TSPAN19: variants seen among roughly 807,000 people sequenced by gnomAD.
The protein encoded by TSPAN19 is tetraspanin-19.
Under a neutral mutation model 35.1 loss-of-function variants are expected in TSPAN19, and 44 were observed. That is an observed-to-expected ratio of 1.25 (90% CI 0.98 to 1.61). The LOEUF (loss-of-function observed/expected upper bound fraction) is 1.61, where lower values mean the gene tolerates loss of function less well. TSPAN19 is among the 40% of genes most tolerant of loss of function. TSPAN19 has a pLI of 0.00. For synonymous variants in TSPAN19, 79 were observed against 92.0 expected, an observed-to-expected ratio of 0.86 and a Z score of 0.81; for missense variants, 290 against 280.0, an observed-to-expected ratio of 1.04 and a Z score of -0.26.
chr12:85,030,670 C>T (rs1877643084), intron 1 of TSPAN19, among the ~76,000 whole-genome samples: 1 of 151,990 alleles, frequency 6.6e-6, no homozygotes, highest in Admixed American at 6.6e-5. Context: ...ATTACTTAAT[C>T]TATAATTTAG....
Position 85,035,421 on chromosome 12 carries a change from C to T in TSPAN19, c.-28+783G>A, listed in dbSNP as rs577096969. Among the ~76,000 whole-genome samples, 5 of 152,154 alleles carry T rather than the reference C, an allele frequency of 3.3e-5. No individual in the cohort carries two copies. The East Asian group carries it at 9.7e-4, about 29-fold the overall frequency. ...AGTGTAGTTTATTTTTTAAAATCAT[C>T]TTTCCTGAAAAGGAAACTAACATGT... On this transcript the variant is annotated intron_variant, in intron 1 of 8. Transcript: ENST00000532498.
chr12:85,015,699 T>G, intron 8 of TSPAN19, 189 bp downstream of exon 8: 1 of 464,342 alleles, frequency 2.2e-6, no homozygotes, highest in Non-Finnish European at 3.8e-6. Flanking sequence ...GGATGACCAC[T>G]TATTAATAGG....
In TSPAN19 at chr12:85,023,328, C is replaced by A; in HGVS notation, c.337G>T (p.Glu113Ter). ...LSAFIITKKE[E>*]VQQLWHDKID... The stretch of plus-strand genomic sequence containing the variant: ...TGAAAAGGATTTACTTTCCATACCT[C>A]CTCTTTCTTTGTGATGATGAATGCT... The change falls in exon 5 of 9, where the codon GAG (glutamate) becomes TAG (stop). Residue 113 changes from glutamate to a stop codon, truncating the protein, a stop_gained and splice_region_variant. Transcript: ENST00000532498. LOFTEE classifies it high-confidence loss of function. 6.3e-7 allele frequency: 1 copy of A among 1,577,700 alleles called. No homozygotes were observed. Among genetic ancestry groups the A allele is most frequent in the Non-Finnish European group, 8.6e-7 (1 of 1,160,200 alleles).
chr12:85,035,188 T>G (rs1249032155), intron 1 of TSPAN19: 1 of 151,942 alleles, frequency 6.6e-6, no homozygotes, highest in African/African-American at 2.4e-5. Context: ...AGTACAAGAG[T>G]TGGAGGCTAC....
intron 1 of TSPAN19, among the ~76,000 whole-genome samples, chr12:85,032,644 T>G (rs1244219282): frequency 1.3e-5 from 2 of 152,172 alleles, no homozygotes; most frequent in Non-Finnish European, 2.9e-5. Flanking sequence ...TAAAATGAGA[T>G]GTTCATGTGT....
chr12:85,029,644 T>C (rs943403176), intron 3 of TSPAN19, 75 bp downstream of exon 3: 3 of 1,129,344 alleles, frequency 2.7e-6, no homozygotes, highest in African/African-American at 3.2e-5. Context: ...TGCCACCTGC[T>C]GAATAAATTG....
chr12:85,025,013 A>T (rs1014568474), intron 4 of TSPAN19, among the ~76,000 whole-genome samples: 6 of 152,146 alleles, frequency 3.9e-5, no homozygotes, highest in Admixed American at 3.9e-4. Flanking sequence ...AGAAAAAAAA[A>T]TTCAGAGACA....
intron 5 of TSPAN19, among the ~76,000 whole-genome samples, chr12:85,022,514 A>C (rs1214867935): frequency 1.3e-5 from 2 of 152,154 alleles, no homozygotes; most frequent in African/African-American, 4.8e-5. Flanking sequence ...GAAACTTGAT[A>C]AATTGTCAGT....
At position 85,020,420 on chromosome 12, in the gene TSPAN19, T is replaced by G. The variant is rs575189605; in HGVS notation, c.340-684A>C. Among the ~76,000 whole-genome samples the G allele has an allele frequency of 2.2e-4, 33 of 152,150 alleles. No homozygotes were observed. In the South Asian group the frequency reaches 6.8e-3, roughly 32 times the overall value. On this transcript the variant is annotated intron_variant, in intron 5 of 8. Transcript: ENST00000532498. ...TAATTGACTTTTGAAATCTACTGTA[T>G]ATTTCTACAAAAGTTATGATTTTTA... is the stretch of plus-strand genomic sequence containing the variant.
intron 1 of TSPAN19, among the ~76,000 whole-genome samples, chr12:85,033,353 T>G (rs571353169): frequency 4.7e-4 from 72 of 152,160 alleles, no homozygotes; most frequent in African/African-American, 1.7e-3. Context: ...ACTAAAGATT[T>G]TTTTTTTCCT....
chr12:85,031,583 A>T (rs747185751), intron 1 of TSPAN19, among the ~76,000 whole-genome samples: 1 of 152,144 alleles, frequency 6.6e-6, no homozygotes, highest in Non-Finnish European at 1.5e-5. Context: ...AAGGACCCAA[A>T]TATAGAAGTA....
intron 2 of TSPAN19, 45 bp from the exon 3 acceptor site, chr12:85,029,836 C>T: frequency 6.6e-7 from 1 of 1,520,986 alleles, no homozygotes; most frequent in Non-Finnish European, 8.9e-7. Flanking sequence ...ATTGCCTATA[C>T]AATAGATTAC....
intron 4 of TSPAN19, among the ~76,000 whole-genome samples, chr12:85,023,695 T>C (rs759600666): frequency 9.2e-5 from 14 of 152,178 alleles, no homozygotes; most frequent in Non-Finnish European, 1.8e-4. Flanking sequence ...AAAGCTATTA[T>C]AGGGTGAATT....
At chr12:85,015,741 T>C (rs1243071353) in intron 8 of TSPAN19, 147 bp downstream of exon 8, 1 of 552,758 alleles carries the variant, frequency 1.8e-6, no homozygotes, top group Non-Finnish European at 3.1e-6. Flanking sequence ...AGGAATCACC[T>C]GTACAACTCT....
Position 85,014,486 on chromosome 12 carries a change from G to A in TSPAN19, c.*1C>T. 1 of 1,590,618 alleles carries A rather than the reference G, an allele frequency of 6.3e-7. No individual in the cohort carries two copies. The highest frequency in any genetic ancestry group is 8.6e-7 in the Non-Finnish European group (1 of 1,166,256). On this transcript the variant is annotated 3_prime_UTR_variant, in exon 9 of 9. Transcript: ENST00000532498. ...CTTCTGAACAAATTGAAATCCAAAG[G>A]TCACATTTCTGCATGGATTATATTC... is the stretch of plus-strand genomic sequence containing the variant.
intron 4 of TSPAN19, among the ~76,000 whole-genome samples, chr12:85,027,365 A>G (rs758380494): frequency 3.3e-5 from 5 of 152,178 alleles, no homozygotes; most frequent in African/African-American, 1.2e-4. Context: ...GACAGGATCA[A>G]TCGAATTCCA....
intron 8 of TSPAN19, chr12:85,015,276 A>C: frequency 6.6e-6 from 1 of 151,962 alleles, no homozygotes; most frequent in African/African-American, 2.4e-5. Context: ...AGACTGAAGA[A>C]TAGCGTCTTG....
At chr12:85,025,019 A>C (rs970497103) in intron 4 of TSPAN19, among the ~76,000 whole-genome samples, 2 of 152,240 alleles carry the variant, frequency 1.3e-5, no homozygotes, top group African/African-American at 4.8e-5. Flanking sequence ...AAAAATTCAG[A>C]GACAAAAATG....
intron 5 of TSPAN19, among the ~76,000 whole-genome samples, chr12:85,021,120 A>G (rs569194202): frequency 7.9e-5 from 12 of 152,222 alleles, no homozygotes; most frequent in African/African-American, 2.6e-4. Flanking sequence ...TTGGTCCTCA[A>G]TAATACCAAA....
Sources: gnomAD v4.1 joint callset for allele counts (sites outside exome capture counted in the v4.1 genomes callset) on GRCh38, gnomAD v4.1.1 for gene constraint, MANE v1.5 for transcripts, NCBI Gene and HGNC (gene_info 2026-07-23, HGNC 2026-07-21) for gene names.